KCNQ2: variants seen among roughly 807,000 people sequenced by gnomAD.
The protein encoded by KCNQ2 is potassium voltage-gated channel subfamily Q member 2.
Under a neutral mutation model 84.8 loss-of-function variants are expected in KCNQ2, and 14 were observed. The ratio of observed to expected loss-of-function variants is 0.17; its 90% CI spans 0.11 to 0.26. The LOEUF (loss-of-function observed/expected upper bound fraction) is 0.26, where lower values mean the gene tolerates loss of function less well. Ranked by LOEUF, KCNQ2 falls within the 10% of genes least tolerant of loss-of-function variation. The pLI is 1.00. For synonymous variants in KCNQ2, 599 were observed against 554.1 expected, an observed-to-expected ratio of 1.08 and a Z score of -1.14; for missense variants, 788 against 1,254.0, an observed-to-expected ratio of 0.63 and a Z score of 5.61.
intron 4 of KCNQ2, among the ~76,000 whole-genome samples, chr20:63,442,980 C>T (rs1023744936): frequency 5.3e-4 from 15 of 28,198 alleles, no homozygotes; most frequent in African/African-American, 1.4e-3. Flanking sequence ...ACCACCATCA[C>T]CACCATTACC....
At chr20:63,459,970 T>A (rs1371712078) in intron 1 of KCNQ2, 1 of 152,128 alleles carries the variant, frequency 6.6e-6, no homozygotes, top group African/African-American at 2.4e-5. Flanking sequence ...GTAGGAAGGC[T>A]GGAATGTGGA....
chr20:63,455,887 C>A (rs2081774094), intron 1 of KCNQ2, among the ~76,000 whole-genome samples: 1 of 116,100 alleles, frequency 8.6e-6, no homozygotes, highest in Non-Finnish European at 1.8e-5. Context: ...CTCCGGGAGA[C>A]CCCTGTGCTC....
At chr20:63,442,923 C>T (rs140813846) in intron 4 of KCNQ2, among the ~76,000 whole-genome samples, 48 of 9,496 alleles carry the variant, frequency 5.1e-3, no homozygotes, top group African/African-American at 0.013. Context: ...ACCATCACCA[C>T]CATCACCATC....
chr20:63,434,412 A>G (rs990342213), intron 7 of KCNQ2: 2 of 165,712 alleles, frequency 1.2e-5, no homozygotes, highest in Non-Finnish European at 2.6e-5. Context: ...TCCGTTCTCT[A>G]TGCCTTTGTT....
chr20:63,400,339 C>T lies in KCNQ2; in HGVS notation c.*6305G>A, dbSNP rs76667008. The T allele has an allele frequency of 5.5e-3, 1,800 of 327,194 alleles. 26 individuals are homozygous for T. The highest frequency in any genetic ancestry group is 0.035 in the African/African-American group (1,658 of 47,104). 20.3% of individuals were successfully genotyped at this position (327,194 alleles called of 1,614,324 possible). Reference sequence around the variant, plus strand: ...GCAGGACCCCACACCCGAAGTCCCCCGCAAACCCGCACTGGCGCATTCTTA... The same window carrying T: ...GCAGGACCCCACACCCGAAGTCCCCTGCAAACCCGCACTGGCGCATTCTTA... On this transcript the variant is annotated 3_prime_UTR_variant, in exon 17 of 17. Transcript: ENST00000359125. The surrounding 1 kb of genome is among the most constrained non-coding windows in gnomAD (Gnocchi z 8.7).
In KCNQ2 at chr20:63,438,599, G is replaced by A; in HGVS notation, c.1023+26C>T. On this transcript the variant is annotated intron_variant, in intron 7 of 16. Transcript: ENST00000359125. The surrounding 1 kb of genome is among the most constrained non-coding windows in gnomAD (Gnocchi z 5.1). The stretch of plus-strand genomic sequence containing the variant: ...GTGGGACCAGGACAAGGGCTGTGCT[G>A]GTCCCCGGGGGACACCTGGACTCAC... The A allele has an allele frequency of 1.3e-6, 2 of 1,597,396 alleles. No homozygotes were observed. Among genetic ancestry groups the A allele is most frequent in the South Asian group, 2.2e-5 (2 of 90,720 alleles).
chr20:63,442,785 C>T (rs1273033925), intron 4 of KCNQ2, among the ~76,000 whole-genome samples: 1 of 101,340 alleles, frequency 9.9e-6, no homozygotes, highest in Admixed American at 9.7e-5. Flanking sequence ...ACCACCACCA[C>T]CATCACCATT....
At chr20:63,458,362 G>T (rs1257078192) in intron 1 of KCNQ2, among the ~76,000 whole-genome samples, 1 of 152,028 alleles carries the variant, frequency 6.6e-6, no homozygotes, top group Non-Finnish European at 1.5e-5. Context: ...GCCTCATGGT[G>T]GACCCCACGC....
In KCNQ2 at chr20:63,460,397, C is replaced by T. The variant is rs1201107405; in HGVS notation, c.296+11771G>A. 6.6e-6 allele frequency among the ~76,000 whole-genome samples: 1 copy of T among 152,116 alleles called. No individual in the cohort carries two copies. The highest frequency in any genetic ancestry group is 6.5e-5 in the Admixed American group (1 of 15,286). On this transcript the variant is annotated intron_variant, in intron 1 of 16. Coordinates refer to ENST00000359125, the MANE Select transcript of KCNQ2 (RefSeq NM_172107.4). The surrounding 1 kb of genome is among the most constrained non-coding windows in gnomAD (Gnocchi z 5.4). ...GCCCCACCCGAAACCCATTCAGGTG[C>T]TGAGGGCACCCCAACAGTGGCACTC...
chr20:63,456,468 T>C (rs1476141309), intron 1 of KCNQ2, among the ~76,000 whole-genome samples: 1 of 152,080 alleles, frequency 6.6e-6, no homozygotes, highest in South Asian at 2.1e-4. Context: ...CTTGCGTATT[T>C]AGTTAAATGA....
intron 1 of KCNQ2, among the ~76,000 whole-genome samples, chr20:63,458,069 T>C (rs999800945): frequency 6.6e-6 from 1 of 151,760 alleles, no homozygotes; most frequent in Non-Finnish European, 1.5e-5. Flanking sequence ...CCCAGCCCCA[T>C]GCAGAGGTCC....
chr20:63,469,602 C>T (rs1475088361), intron 1 of KCNQ2, among the ~76,000 whole-genome samples: 4 of 152,222 alleles, frequency 2.6e-5, no homozygotes, highest in Non-Finnish European at 5.9e-5. Flanking sequence ...CTTGACCTCT[C>T]CGAAGCCAGA....
intron 1 of KCNQ2, among the ~76,000 whole-genome samples, chr20:63,451,044 A>G (rs2081599269): frequency 6.6e-6 from 1 of 151,792 alleles, no homozygotes; most frequent in South Asian, 2.1e-4. Flanking sequence ...AGGCTGAGGC[A>G]GAAGAATCGC....
rs113253707 is a variant in KCNQ2 at position 63,418,357 on chromosome 20, C to T, written c.1301+1262G>A. Among the ~76,000 whole-genome samples the T allele has an allele frequency of 7.3e-3, 1,105 of 152,330 alleles. 13 individuals are homozygous for T. Among genetic ancestry groups the T allele is most frequent in the African/African-American group, 0.025 (1,058 of 41,582 alleles). On this transcript the variant is annotated intron_variant, in intron 12 of 16. Coordinates refer to ENST00000359125, the MANE Select transcript of KCNQ2 (RefSeq NM_172107.4). Reference sequence around the variant, plus strand: ...GCGCCATCCCCACCCGGCCTGCCACCCTCCCTCCCAATGGTGAAATTCAGA... The same window carrying T: ...GCGCCATCCCCACCCGGCCTGCCACTCTCCCTCCCAATGGTGAAATTCAGA...
chr20:63,411,639 T>G, intron 15 of KCNQ2: 1 of 460,318 alleles, frequency 2.2e-6, no homozygotes, highest in South Asian at 4.5e-5. Context: ...CTCTTGTGGC[T>G]TTTTCAGGAA....
chr20:63,444,373 C>T (rs2145773052), intron 4 of KCNQ2, among the ~76,000 whole-genome samples: 1 of 152,326 alleles, frequency 6.6e-6, no homozygotes, highest in South Asian at 2.1e-4. Flanking sequence ...GGGTTCGCGG[C>T]AGGAAGGTGG....
chr20:63,454,029 G>C (rs996753692), intron 1 of KCNQ2, among the ~76,000 whole-genome samples: 3 of 152,308 alleles, frequency 2.0e-5, no homozygotes, highest in African/African-American at 7.2e-5. Flanking sequence ...GCTTCCTAAG[G>C]TGGCTCCGAC....
At chr20:63,435,613 C>G (rs1023920767) in intron 7 of KCNQ2, among the ~76,000 whole-genome samples, 1 of 152,220 alleles carries the variant, frequency 6.6e-6, no homozygotes, top group African/African-American at 2.4e-5. Flanking sequence ...CGGCAGGGCT[C>G]ACGCCTGCAT....
intron 6 of KCNQ2, 37 bp downstream of exon 6, chr20:63,439,561 G>T (rs113859927): frequency 5.4e-6 from 8 of 1,485,920 alleles, no homozygotes; most frequent in Non-Finnish European, 7.5e-6. Context: ...ACAAGACCTC[G>T]TCCCCCTCCA....
Sources: gnomAD v4.1 joint callset for allele counts (sites outside exome capture counted in the v4.1 genomes callset) on GRCh38, gnomAD v4.1.1 for gene constraint, Gnocchi (gnomAD v3.1) non-coding constraint, MANE v1.5 for transcripts, NCBI Gene and HGNC (gene_info 2026-07-23, HGNC 2026-07-21) for gene names.